The following ZFP41 variants were observed in gnomAD, a reference collection of about 807,000 sequenced individuals.
ZFP41 encodes the protein zinc finger protein 41 homolog.
In ZFP41, 10 loss-of-function variants were observed where a neutral mutation model predicts 11.6. The observed-to-expected ratio is 0.86, with a 90% confidence interval of 0.53 to 1.47. The LOEUF is 1.47. ZFP41 is among the 40% of genes most tolerant of loss of function. The pLI, the probability that ZFP41 is intolerant of heterozygous loss-of-function variation, is 0.00. For synonymous variants in ZFP41, 123 were observed against 100.9 expected (o/e 1.22, Z -1.31); for missense variants, 302 against 264.6 (o/e 1.14, Z -0.98).
Position 143,250,455 on chromosome 8 carries a change from C to A in ZFP41, c.*15C>A. The A allele has an allele frequency of 6.2e-7, 1 of 1,602,592 alleles. No homozygotes were observed. On this transcript the variant is annotated 3_prime_UTR_variant, in exon 2 of 3. Coordinates refer to ENST00000330701, the MANE Select transcript of ZFP41 (RefSeq NM_173832.6). ...AGAAGCCCTGAGCCGGGGCCATCTG[C>A]GGACTCGGGCCCTGCGGTGCGAGCC...
Position 143,250,519 on chromosome 8 carries a change from G to C in ZFP41, c.*79G>C. ...GCTCCGTGGCTCCCTCGTGTCCCGC[G>C]TCTGATGGGGGCGCAGGGCCGTGCG... On this transcript the variant is annotated 3_prime_UTR_variant, in exon 2 of 3. Coordinates refer to ENST00000330701, the MANE Select transcript of ZFP41 (RefSeq NM_173832.6). 2 of 1,547,888 alleles carry C rather than the reference G, an allele frequency of 1.3e-6. No individual in the cohort carries two copies. Among genetic ancestry groups the C allele is most frequent in the Non-Finnish European group, 1.7e-6 (2 of 1,147,486 alleles).
In ZFP41 at chr8:143,250,337, A is replaced by G. The variant is rs762969715; in HGVS notation, c.494A>G (p.His165Arg). 7 of 1,614,012 alleles carry G rather than the reference A, an allele frequency of 4.3e-6. No individual in the cohort carries two copies. In the South Asian group the frequency reaches 5.5e-5, roughly 13 times the overall value. The change falls in exon 2 of 3, where the codon CAC becomes CGC. Residue 165 changes from histidine to arginine, a missense_variant. By Grantham distance (29) the His-to-Arg change is conservative (BLOSUM62 0). Coordinates refer to ENST00000330701, the MANE Select transcript of ZFP41 (RefSeq NM_173832.6). ...AATCTCCTGAAACATCAGAAGACGC[A>G]CACCGGGGAGAAGCCCTACGAATGC... is the stretch of plus-strand genomic sequence containing the variant. ...GSNLLKHQKT[H>R]TGEKPYECTH...
rs1450109783 is a variant in ZFP41 at position 143,250,121 on chromosome 8, G to A, written c.278G>A (p.Gly93Glu). The A allele has an allele frequency of 3.1e-6, 5 of 1,614,164 alleles. No individual in the cohort carries two copies. Among genetic ancestry groups the A allele is most frequent in the Non-Finnish European group, 4.2e-6 (5 of 1,180,038 alleles). Residue 93 changes from glycine to glutamate, a missense_variant, in exon 2 of 3, where the codon GGG becomes GAG. Physicochemically the swap from Gly to Glu is moderately conservative, Grantham distance 98 (BLOSUM62 -2). Coordinates refer to ENST00000330701, the MANE Select transcript of ZFP41 (RefSeq NM_173832.6). ...RKKPYECSEC[G>E]RIFKHKTDHI... The stretch of plus-strand genomic sequence containing the variant: ...AAACCCTATGAGTGCAGTGAGTGTG[G>A]GCGGATCTTTAAGCACAAGACAGAC...
intron 1 of ZFP41, chr8:143,249,073 C>G (rs1238227882): frequency 6.6e-6 from 1 of 152,260 alleles, no homozygotes; most frequent in Non-Finnish European, 1.5e-5. Flanking sequence ...GCCTCAAACT[C>G]CAGCCTGGTT....
At chr8:143,256,252 T>A (rs112423880) in intron 2 of ZFP41, among the ~76,000 whole-genome samples, 44 of 86,578 alleles carry the variant, frequency 5.1e-4, no homozygotes, top group African/African-American at 9.2e-4. Context: ...CGCGTGCTGG[T>A]GTTAGTGAGA....
In ZFP41 at chr8:143,249,866, A is replaced by G. The variant is rs776952690; in HGVS notation, c.23A>G (p.Lys8Arg). MEKPAGRKKKTPTPREEA... is the reference protein window; with the variant it reads MEKPAGRRKKTPTPREEA... ...ATGATGGAGAAGCCTGCAGGCAGAA[A>G]AAAGAAGACGCCGACCCCAAGGGAG... Residue 8 changes from lysine to arginine, a missense_variant, in exon 2 of 3, where the codon AAA becomes AGA. Transcript: ENST00000330701. The G allele has an allele frequency of 6.3e-7, 1 of 1,598,802 alleles. No individual in the cohort carries two copies. Among genetic ancestry groups the G allele is most frequent in the African/African-American group, 1.4e-5 (1 of 73,544 alleles).
rs145168111 is a variant in ZFP41, at chr8:143,257,543, C to T, written c.*901-2232C>T. On this transcript the variant is annotated intron_variant, in intron 2 of 2. Coordinates refer to ENST00000330701, the MANE Select transcript of ZFP41 (RefSeq NM_173832.6). ...AAGTAAATAAAGCCACTTATTAATACAATTAATGGAAACAGACACCATTGA... is the reference window on the plus strand; with the variant it reads ...AAGTAAATAAAGCCACTTATTAATATAATTAATGGAAACAGACACCATTGA... Among the ~76,000 whole-genome samples, 3 of 152,230 alleles carry T rather than the reference C, an allele frequency of 2.0e-5. No homozygotes were observed. In the East Asian group the frequency reaches 5.8e-4, roughly 29 times the overall value.
chr8:143,250,112 G>C lies in ZFP41; in HGVS notation c.269G>C (p.Ser90Thr). 6.2e-7 allele frequency: 1 copy of C among 1,614,204 alleles called. No individual in the cohort carries two copies. The highest frequency in any genetic ancestry group is 8.5e-7 in the Non-Finnish European group (1 of 1,180,040). Residue 90 changes from serine to threonine, a missense_variant, in exon 2 of 3, where the codon AGT becomes ACT. By Grantham distance (58) the Ser-to-Thr change is moderately conservative. Coordinates refer to ENST00000330701, the MANE Select transcript of ZFP41 (RefSeq NM_173832.6). The stretch of plus-strand genomic sequence containing the variant: ...CAGAGGAAGAAACCCTATGAGTGCA[G>C]TGAGTGTGGGCGGATCTTTAAGCAC... ...PFQRKKPYEC[S>T]ECGRIFKHKT... is the part of the protein sequence containing the mutation.
intron 2 of ZFP41, among the ~76,000 whole-genome samples, chr8:143,258,527 G>A (rs980337794): frequency 9.2e-5 from 14 of 152,186 alleles, no homozygotes; most frequent in African/African-American, 3.1e-4. Context: ...GCTGACATGC[G>A]GAGGTTCTTC....
chr8:143,259,143 G>A (rs999316807), intron 2 of ZFP41, among the ~76,000 whole-genome samples: 1 of 152,246 alleles, frequency 6.6e-6, no homozygotes, highest in African/African-American at 2.4e-5. Context: ...GTTGGTCAAG[G>A]GAAGCTGTTG....
At chr8:143,253,960 C>A (rs771534033) in intron 2 of ZFP41, among the ~76,000 whole-genome samples, 13 of 152,144 alleles carry the variant, frequency 8.5e-5, no homozygotes, top group African/African-American at 2.7e-4. Context: ...TCATAAGGAG[C>A]GTGCAACCTA....
In ZFP41 at chr8:143,250,632, A is replaced by G. The variant is rs968992762; in HGVS notation, c.*192A>G. On this transcript the variant is annotated 3_prime_UTR_variant, in exon 2 of 3. Transcript: ENST00000330701. ...AGCGAGGGAGAGACCTTTCCACTGC[A>G]GAGAGTCTCTCTGATCAAGACACCG... 12 of 864,718 alleles carry G rather than the reference A, an allele frequency of 1.4e-5. No homozygotes were observed. Among genetic ancestry groups the G allele is most frequent in the Non-Finnish European group, 2.1e-5 (12 of 567,566 alleles). The allele number at this position is 864,718 out of a possible 1,614,324, so 53.6% of individuals were successfully genotyped here. A position where few individuals can be genotyped will look rare whatever the true frequency, so the allele number is the denominator to read the frequency against.
chr8:143,260,696 C>T lies in ZFP41; in HGVS notation c.*1822C>T. On this transcript the variant is annotated 3_prime_UTR_variant, in exon 3 of 3. Coordinates refer to ENST00000330701, the MANE Select transcript of ZFP41 (RefSeq NM_173832.6). ...GCACCACCCTCCCAGCCTCACGCGG[C>T]CACCCTGACCAGCAGGCACCATCCT... The T allele has an allele frequency of 5.3e-6, 1 of 189,932 alleles. No homozygotes were observed. Among genetic ancestry groups the T allele is most frequent in the Non-Finnish European group, 1.1e-5 (1 of 90,316 alleles). The allele number at this position is 189,932 out of a possible 1,614,324, so 11.8% of individuals were successfully genotyped here. A position where few individuals can be genotyped will look rare whatever the true frequency, so the allele number is the denominator to read the frequency against.
rs543388322 is a variant in ZFP41 at position 143,262,426 on chromosome 8, G to A, written c.*3552G>A. On this transcript the variant is annotated 3_prime_UTR_variant, in exon 3 of 3. Transcript: ENST00000330701. ...TTGGTGGCAGATGTCCCATTTCCCA[G>A]TTACTTTCTGTTGTCCAAAAGTTTA... is the stretch of plus-strand genomic sequence containing the variant. The A allele has an allele frequency of 6.6e-6, 1 of 152,534 alleles. No individual in the cohort carries two copies. The highest frequency in any genetic ancestry group is 2.1e-4 in the South Asian group (1 of 4,848). The allele number at this position is 152,534 out of a possible 1,614,324, so 9.4% of individuals were successfully genotyped here.
intron 2 of ZFP41, chr8:143,252,675 T>C (rs1390777159): frequency 4.7e-5 from 46 of 976,992 alleles, no homozygotes; most frequent in Non-Finnish European, 5.4e-5. Context: ...TGGTGTCGTG[T>C]ACCTGCCTCT....
intron 2 of ZFP41, among the ~76,000 whole-genome samples, chr8:143,257,127 T>C (rs1211403157): frequency 6.6e-6 from 1 of 152,138 alleles, no homozygotes; most frequent in African/African-American, 2.4e-5. Flanking sequence ...CTGTTGCTGT[T>C]AGGAGAGGAG....
In ZFP41 at chr8:143,260,280, T is replaced by C. The variant is rs1815010125; in HGVS notation, c.*1406T>C. The C allele has an allele frequency of 6.5e-6, 1 of 153,314 alleles. No individual in the cohort carries two copies. The highest frequency in any genetic ancestry group is 1.5e-5 in the Non-Finnish European group (1 of 68,702). The allele number at this position is 153,314 out of a possible 1,614,324, so 9.5% of individuals were successfully genotyped here. A position where few individuals can be genotyped will look rare whatever the true frequency, so the allele number is the denominator to read the frequency against. ...CGGGCTTTCACTTGGTTCCCAAATTTCTTCAAAGGTCAAAACCATCACAGT... is the reference window on the plus strand; with the variant it reads ...CGGGCTTTCACTTGGTTCCCAAATTCCTTCAAAGGTCAAAACCATCACAGT... On this transcript the variant is annotated 3_prime_UTR_variant, in exon 3 of 3. Coordinates refer to ENST00000330701, the MANE Select transcript of ZFP41 (RefSeq NM_173832.6).
In ZFP41 at chr8:143,260,672, C is replaced by T; in HGVS notation, c.*1798C>T. 1 of 193,136 alleles carries T rather than the reference C, an allele frequency of 5.2e-6. No homozygotes were observed. Among genetic ancestry groups the T allele is most frequent in the South Asian group, 6.6e-5 (1 of 15,090 alleles). 12.0% of individuals were successfully genotyped at this position (193,136 alleles called of 1,614,324 possible). A position where few individuals can be genotyped will look rare whatever the true frequency, so the allele number is the denominator to read the frequency against. ...TCTCTTGGCCACCCGGACCAGCGGG[C>T]ACCACCCTCCCAGCCTCACGCGGCC... On this transcript the variant is annotated 3_prime_UTR_variant, in exon 3 of 3. Transcript: ENST00000330701.
intron 1 of ZFP41, chr8:143,247,842 A>C (rs1816722106): frequency 6.6e-6 from 1 of 152,136 alleles, no homozygotes; most frequent in African/African-American, 2.4e-5. Flanking sequence ...TTTGTTTGAG[A>C]CGGAGTCTTG....
Sources: gnomAD v4.1 joint callset for allele counts (sites outside exome capture counted in the v4.1 genomes callset) on GRCh38, gnomAD v4.1.1 for gene constraint, MANE v1.5 for transcripts, NCBI Gene and HGNC (gene_info 2026-07-23, HGNC 2026-07-21) for gene names.